PBX1: variants seen among roughly 807,000 people sequenced by gnomAD.
PBX1 encodes pre-B-cell leukemia transcription factor 1.
In PBX1, 6 loss-of-function variants were observed where a neutral mutation model predicts 53.4. The observed-to-expected ratio is 0.11, with a 90% CI of 0.06 to 0.22. The LOEUF (loss-of-function observed/expected upper bound fraction) is 0.22, where lower values mean the gene tolerates loss of function less well. Among genes scored for constraint, PBX1 ranks in the 10% least tolerant of loss-of-function variants. PBX1 has a pLI of 1.00. For missense variants in PBX1, 251 were observed against 551.4 expected (o/e 0.46, Z 5.46); for synonymous variants, 204 against 212.3 (o/e 0.96, Z 0.34).
chr1:164,736,381 C>T lies in PBX1; in HGVS notation c.266-56113C>T, dbSNP rs563051330. Among the ~76,000 whole-genome samples the T allele has an allele frequency of 7.2e-4, 109 of 152,224 alleles. 2 individuals are homozygous for T. Among genetic ancestry groups the T allele is most frequent in the African/African-American group, 6.0e-4 (25 of 41,560 alleles). On this transcript the variant is annotated intron_variant, in intron 2 of 8. Transcript: ENST00000420696. Reference sequence around the variant, plus strand: ...GTTCCACCAAAGCCAGCTAATGCGACGGCTGTCAGCTCCACTCACCCCACC... The same window carrying T: ...GTTCCACCAAAGCCAGCTAATGCGATGGCTGTCAGCTCCACTCACCCCACC...
At chr1:164,833,810 G>A (rs1006844556) in intron 8 of PBX1, among the ~76,000 whole-genome samples, 1 of 151,328 alleles carries the variant, frequency 6.6e-6, no homozygotes, top group Non-Finnish European at 1.5e-5. Context: ...TTTTCTGCCT[G>A]CCTTGAACCC....
At chr1:164,561,267 C>A (rs1210878372) in intron 1 of PBX1, among the ~76,000 whole-genome samples, 3 of 152,140 alleles carry the variant, frequency 2.0e-5, no homozygotes, top group Admixed American at 1.3e-4. Context: ...AAATAAGAAT[C>A]TGAGTTGAGA....
chr1:164,766,778 G>A (rs1667081290), intron 2 of PBX1, among the ~76,000 whole-genome samples: 2 of 146,724 alleles, frequency 1.4e-5, no homozygotes, highest in South Asian at 2.1e-4. Flanking sequence ...CTGTCACCCA[G>A]CCTGGAATGC....
intron 2 of PBX1, among the ~76,000 whole-genome samples, chr1:164,868,327 G>C (rs974339119): frequency 6.6e-6 from 1 of 152,168 alleles, no homozygotes; most frequent in African/African-American, 2.4e-5. Context: ...TGTACATCTA[G>C]GCAGCTAGTG....
At chr1:164,777,057 T>C (rs1311854887) in intron 2 of PBX1, among the ~76,000 whole-genome samples, 1 of 151,918 alleles carries the variant, frequency 6.6e-6, no homozygotes, top group African/African-American at 2.4e-5. Context: ...TCTCCCTACA[T>C]ATGAACTGAA....
At chr1:164,788,211 T>C (rs1056019940) in intron 2 of PBX1, among the ~76,000 whole-genome samples, 9 of 152,110 alleles carry the variant, frequency 5.9e-5, no homozygotes, top group African/African-American at 2.2e-4. Context: ...TTAACATCTC[T>C]GGTGTCCTGG....
chr1:164,626,375 C>T (rs929988642), intron 2 of PBX1, among the ~76,000 whole-genome samples: 1 of 152,060 alleles, frequency 6.6e-6, no homozygotes, highest in Non-Finnish European at 1.5e-5. Flanking sequence ...TAAAGAGGTC[C>T]CACTGCCCAG....
chr1:164,649,809 A>G (rs1336827227), intron 2 of PBX1, among the ~76,000 whole-genome samples: 5 of 152,186 alleles, frequency 3.3e-5, no homozygotes, highest in Non-Finnish European at 2.9e-5. Context: ...CAGCCTTCAC[A>G]TACTTTCTCT....
rs370136005 is a variant in PBX1, at chr1:164,653,793, G to A, written c.265+90482G>A. Among the ~76,000 whole-genome samples, 521 of 152,204 alleles carry A rather than the reference G, an allele frequency of 3.4e-3. 2 individuals carry two copies. Among genetic ancestry groups the A allele is most frequent in the African/African-American group, 0.01 (428 of 41,536 alleles). ...TGAGGCACAGGGCAGACAAAAGCCTGTCATGGCCGCACCTCTCAAACCTGG... is the reference window on the plus strand; with the variant it reads ...TGAGGCACAGGGCAGACAAAAGCCTATCATGGCCGCACCTCTCAAACCTGG... On this transcript the variant is annotated intron_variant, in intron 2 of 8. Coordinates refer to ENST00000420696, the MANE Select transcript of PBX1 (RefSeq NM_002585.4).
intron 2 of PBX1, among the ~76,000 whole-genome samples, chr1:164,756,756 G>A (rs145695065): frequency 1.4e-4 from 21 of 152,304 alleles, no homozygotes; most frequent in African/African-American, 4.8e-4. Flanking sequence ...CTGGGTGTCC[G>A]TATACATATG....
At chr1:164,777,730 A>G (rs10918069) in intron 2 of PBX1, among the ~76,000 whole-genome samples, 40,625 of 152,120 alleles carry the variant, frequency 0.27, 5,999 homozygotes, top group African/African-American at 0.37. Context: ...TCCTGTCCTC[A>G]GTTTTGCAAT....
At chr1:164,791,176 C>T (rs531285201) in intron 2 of PBX1, among the ~76,000 whole-genome samples, 118 of 152,330 alleles carry the variant, frequency 7.7e-4, no homozygotes, top group Non-Finnish European at 1.5e-3. Context: ...CTGCTGACAA[C>T]TGAACTGGAT....
intron 2 of PBX1, among the ~76,000 whole-genome samples, chr1:164,617,138 C>T (rs1266642170): frequency 1.3e-5 from 2 of 152,058 alleles, no homozygotes; most frequent in African/African-American, 4.8e-5. Flanking sequence ...ATTTTTATCC[C>T]CCCTAGAGAT....
intron 1 of PBX1, 88 bp downstream of exon 1, chr1:164,560,101 A>G: frequency 1.0e-6 from 1 of 1,000,728 alleles, no homozygotes; most frequent in Non-Finnish European, 1.4e-6. Context: ...GAATCACCAC[A>G]GCGCTTTTTT....
At chr1:164,802,201 G>A (rs546278009) in intron 4 of PBX1, among the ~76,000 whole-genome samples, 2 of 152,358 alleles carry the variant, frequency 1.3e-5, no homozygotes, top group East Asian at 3.9e-4. Context: ...CTGCGTAGCA[G>A]ATTACCACAA....
chr1:164,807,116 G>T (rs1325921969), intron 4 of PBX1, among the ~76,000 whole-genome samples: 2 of 152,098 alleles, frequency 1.3e-5, no homozygotes, highest in East Asian at 3.9e-4. Flanking sequence ...AATTAGCTGG[G>T]TGTTGTGGCA....
At chr1:164,712,798 G>A (rs887004625) in intron 2 of PBX1, among the ~76,000 whole-genome samples, 6 of 152,182 alleles carry the variant, frequency 3.9e-5, no homozygotes, top group East Asian at 1.9e-4. Flanking sequence ...CAGCGTCTCC[G>A]TGCAGTTGGA....
At chr1:164,561,365 AC>A (rs1307892428) in intron 1 of PBX1, among the ~76,000 whole-genome samples, 1 of 152,234 alleles carries the variant, frequency 6.6e-6, no homozygotes, top group African/African-American at 2.4e-5. Context: ...ACTCAAAAGT[AC>A]TAAGGTTTAC....
intron 2 of PBX1, among the ~76,000 whole-genome samples, chr1:164,875,730 T>G (rs752779208): frequency 2.7e-4 from 41 of 151,832 alleles, no homozygotes; most frequent in Non-Finnish European, 5.7e-4. Flanking sequence ...CCAACCACAC[T>G]CCTCTGAGCT....
Sources: gnomAD v4.1 joint callset for allele counts (sites outside exome capture counted in the v4.1 genomes callset) on GRCh38, gnomAD v4.1.1 for gene constraint, MANE v1.5 for transcripts, NCBI Gene and HGNC (gene_info 2026-07-23, HGNC 2026-07-21) for gene names.